Variants in TTC23L observed in about 807,000 individuals in gnomAD.
TTC23L encodes the protein tetratricopeptide repeat domain 23 like.
Under a neutral mutation model 48.1 loss-of-function variants are expected in TTC23L, and 42 were observed. That is an observed-to-expected ratio of 0.87 (90% CI 0.68 to 1.13). The LOEUF is 1.13. Ranked by LOEUF, TTC23L falls within the 50% of genes most tolerant of loss-of-function variation. The pLI, the probability that TTC23L is intolerant of heterozygous loss-of-function variation, is 0.00. For missense variants in TTC23L, 391 were observed against 421.0 expected, an observed-to-expected ratio of 0.93 and a Z score of 0.62; for synonymous variants, 159 against 157.2, an observed-to-expected ratio of 1.01 and a Z score of -0.09.
At chr5:34,908,296 C>T in the TTC23L span, 5 of 152,250 alleles carry the variant, frequency 3.3e-5, no homozygotes, top group Admixed American at 3.3e-4. Context: ...GCCTCAGCCT[C>T]CCGAGTAGCT....
At chr5:34,879,631 T>G (rs1186047729) in intron 8 of TTC23L, among the ~76,000 whole-genome samples, 2 of 152,204 alleles carry the variant, frequency 1.3e-5, no homozygotes, top group Non-Finnish European at 2.9e-5. Flanking sequence ...ACAGAAGCTT[T>G]CTTTTTTGCT....
At chr5:34,845,937 G>A (rs139695134) in intron 3 of TTC23L, among the ~76,000 whole-genome samples, 287 of 152,218 alleles carry the variant, frequency 1.9e-3, no homozygotes, top group African/African-American at 6.4e-3. Context: ...TGGCTCATGC[G>A]TGTAATCCCA....
Position 34,875,220 on chromosome 5 carries a change from C to A in TTC23L, c.950-4961C>A, listed in dbSNP as rs538684088. ...ATATTTGAGGCAAAAACTGATGGAACTGTAAGAAGAAATAGATGAATTCAC... is the reference window on the plus strand; with the variant it reads ...ATATTTGAGGCAAAAACTGATGGAAATGTAAGAAGAAATAGATGAATTCAC... On this transcript the variant is annotated intron_variant, in intron 8 of 10. Transcript: ENST00000505624. 2.6e-5 allele frequency among the ~76,000 whole-genome samples: 4 copies of A among 152,216 alleles called. No homozygotes were observed. The South Asian group carries it at 8.3e-4, about 32-fold the overall frequency.
intron 9 of TTC23L, among the ~76,000 whole-genome samples, chr5:34,895,851 TG>T (rs1428705066): frequency 1.3e-5 from 2 of 152,196 alleles, no homozygotes; most frequent in Non-Finnish European, 2.9e-5. Flanking sequence ...AGTGATGAAA[TG>T]TATGTTCCAT....
At chr5:34,875,181 A>T (rs185173894) in intron 8 of TTC23L, among the ~76,000 whole-genome samples, 2 of 152,342 alleles carry the variant, frequency 1.3e-5, no homozygotes, top group Admixed American at 1.3e-4. Context: ...TACGTGCCTA[A>T]CAAGAGTTTC....
At chr5:34,850,196 A>C in exon 4 of TTC23L, 2 of 1,613,900 alleles carry the variant, frequency 1.2e-6, no homozygotes, top group South Asian at 2.2e-5. Flanking sequence ...ATACTCAAGC[A>C]AACAAGGAGC....
the TTC23L span, among the ~76,000 whole-genome samples, chr5:34,923,656 C>G: frequency 6.6e-6 from 1 of 152,150 alleles, no homozygotes; most frequent in Non-Finnish European, 1.5e-5. Context: ...ATCATTCCTC[C>G]TCAGCATCTT....
rs1763264089 is a variant in TTC23L, at chr5:34,897,006, T to C, written c.*97+131T>C. 7.6e-6 allele frequency: 4 copies of C among 523,954 alleles called. No homozygotes were observed. The South Asian group carries it at 1.3e-4, about 17-fold the overall frequency. The allele number at this position is 523,954 out of a possible 1,614,324, so 32.5% of individuals were successfully genotyped here. ...CTCTGTAGCAGAAAGACAAAAATCA[T>C]TTAAGGAAAAAAAAAAACAAAAAAA... On this transcript the variant is annotated intron_variant, in intron 10 of 10. Transcript: ENST00000505624.
chr5:34,856,775 G>A (rs1760170769), intron 4 of TTC23L, among the ~76,000 whole-genome samples: 1 of 152,218 alleles, frequency 6.6e-6, no homozygotes, highest in African/African-American at 2.4e-5. Flanking sequence ...AGCCAAACAG[G>A]TAAGGGTATC....
chr5:34,901,784 A>G (rs754755755), downstream of TTC23L, among the ~76,000 whole-genome samples: 2 of 152,082 alleles, frequency 1.3e-5, no homozygotes, highest in Non-Finnish European at 2.9e-5. Flanking sequence ...CAAAACAACA[A>G]CAAAAGAAAC....
intron 10 of TTC23L, among the ~76,000 whole-genome samples, chr5:34,897,370 C>G (rs902355901): frequency 6.6e-6 from 1 of 151,216 alleles, no homozygotes; most frequent in East Asian, 1.9e-4. Context: ...GGCAACAGAG[C>G]AAGACTGTCT....
chr5:34,849,301 G>A (rs1759472023), intron 3 of TTC23L, among the ~76,000 whole-genome samples: 1 of 152,112 alleles, frequency 6.6e-6, no homozygotes, highest in Non-Finnish European at 1.5e-5. Context: ...CATACCAGTA[G>A]CCATGAAGTC....
intron 8 of TTC23L, among the ~76,000 whole-genome samples, chr5:34,878,449 T>C (rs1161522183): frequency 6.6e-6 from 1 of 152,246 alleles, no homozygotes; most frequent in Admixed American, 6.5e-5. Flanking sequence ...TCCAACTTGA[T>C]TTATAGATTC....
chr5:34,849,248 A>C (rs1759467887), intron 3 of TTC23L, among the ~76,000 whole-genome samples: 1 of 152,230 alleles, frequency 6.6e-6, no homozygotes, highest in Non-Finnish European at 1.5e-5. Flanking sequence ...CAGAGAAAAA[A>C]AAGAAAAAAC....
At position 34,863,370 on chromosome 5, in the gene TTC23L, G is replaced by GGGTGGT. The variant is rs149955344; in HGVS notation, c.536+333_536+338dup. ...AAATCAGTGTTAGCAATGAGGATGA[G>GGGTGGT]GGTGGTGGTGGTGGTGGTGGTGTAG... On this transcript the variant is annotated intron_variant, in intron 5 of 10. Coordinates refer to ENST00000505624, the Ensembl canonical transcript of TTC23L. This position sits in a 1 kb window ranked among gnomAD's most constrained non-coding sequence, Gnocchi z 4.1. 3.3e-5 allele frequency among the ~76,000 whole-genome samples: 5 copies of GGGTGGT among 151,814 alleles called. No individual in the cohort carries two copies. The highest frequency in any genetic ancestry group is 7.3e-5 in the African/African-American group (3 of 41,200).
chr5:34,924,781 A>G, the TTC23L span: 1 of 1,073,338 alleles, frequency 9.3e-7, no homozygotes, highest in Non-Finnish European at 1.4e-6. Context: ...TAATGAGGTT[A>G]TAGCCAGTAT....
chr5:34,903,145 T>A (rs182592150), downstream of TTC23L, among the ~76,000 whole-genome samples: 180 of 152,308 alleles, frequency 1.2e-3, no homozygotes, highest in African/African-American at 4.2e-3. Context: ...TGCATTTGGA[T>A]TGTTTTTAAT....
chr5:34,908,479 C>T, the TTC23L span: 191 of 223,374 alleles, frequency 8.6e-4, no homozygotes, highest in African/African-American at 4.2e-3. Context: ...CCTTTAGACT[C>T]TTGAAATGTT....
intron 9 of TTC23L, among the ~76,000 whole-genome samples, chr5:34,886,829 A>G (rs1762573997): frequency 6.6e-6 from 1 of 152,238 alleles, no homozygotes; most frequent in African/African-American, 2.4e-5. Context: ...CAAGTATGAT[A>G]GTGGCAGCAT....
Sources: allele counts gnomAD v4.1 joint callset (sites outside exome capture counted in the v4.1 genomes callset), GRCh38; gene constraint gnomAD v4.1.1; non-coding constraint Gnocchi (gnomAD v3.1); transcripts MANE v1.5; gene names NCBI Gene and HGNC (gene_info 2026-07-23, HGNC 2026-07-21).